The following GRIA2 variants were observed in gnomAD, a reference collection of about 807,000 sequenced individuals.
GRIA2 encodes glutamate ionotropic receptor AMPA type subunit 2.
A neutral mutation model predicts 97.3 loss-of-function variants in GRIA2; 14 were observed. That is an observed-to-expected ratio of 0.14 (90% CI 0.10 to 0.23). The LOEUF (loss-of-function observed/expected upper bound fraction) is 0.23, where lower values mean the gene tolerates loss of function less well. GRIA2 is among the 10% of genes least tolerant of loss of function. GRIA2 has a pLI of 1.00. For missense variants in GRIA2, 558 were observed against 1,069.8 expected (o/e 0.52, Z 6.67); for synonymous variants, 412 against 387.8 (o/e 1.06, Z -0.73).
intron 2 of GRIA2, among the ~76,000 whole-genome samples, chr4:157,278,899 A>G (rs1490150314): frequency 5.3e-5 from 8 of 152,080 alleles, no homozygotes; most frequent in Admixed American, 1.3e-4. Flanking sequence ...ATATTTCCAC[A>G]ATAAGATACC....
intron 2 of GRIA2, among the ~76,000 whole-genome samples, chr4:157,246,481 A>G (rs1272743397): frequency 6.6e-6 from 1 of 152,122 alleles, no homozygotes; most frequent in African/African-American, 2.4e-5. Context: ...TTAATACACA[A>G]TTTTAATGAT....
At chr4:157,236,073 A>C (rs980335703) in intron 2 of GRIA2, among the ~76,000 whole-genome samples, 2 of 152,016 alleles carry the variant, frequency 1.3e-5, no homozygotes, top group Admixed American at 6.6e-5. Flanking sequence ...TTATCTGAAA[A>C]AAGTTGATGC....
chr4:157,291,375 A>G (rs1579336958), intron 2 of GRIA2, among the ~76,000 whole-genome samples: 1 of 151,944 alleles, frequency 6.6e-6, no homozygotes, highest in African/African-American at 2.4e-5. Flanking sequence ...TTGGCTATGA[A>G]TAATTATAGA....
At chr4:157,234,766 G>C (rs567939023) in intron 2 of GRIA2, among the ~76,000 whole-genome samples, 3 of 152,170 alleles carry the variant, frequency 2.0e-5, no homozygotes, top group East Asian at 3.9e-4. Context: ...GTATAAGGAG[G>C]CTCTTTTGCC....
At chr4:157,356,147 ATT>A (rs1491342454) in intron 12 of GRIA2, among the ~76,000 whole-genome samples, 17 of 125,930 alleles carry the variant, frequency 1.3e-4, no homozygotes, top group African/African-American at 5.2e-4. Flanking sequence ...ATATATTTAT[ATT>A]TATTTATTTA....
At position 157,358,376 on chromosome 4, in the gene GRIA2, A is replaced by C. The variant is rs1579392636; in HGVS notation, c.2044-1520A>C. ...GCTAAACATAGCTGGGGTCCTAGTA[A>C]AATTTTCACTCTCATAGATATGCTT... is the stretch of plus-strand genomic sequence containing the variant. On this transcript the variant is annotated intron_variant, in intron 12 of 15. Transcript: ENST00000264426. 2.0e-5 allele frequency among the ~76,000 whole-genome samples: 3 copies of C among 152,284 alleles called. No homozygotes were observed. In the East Asian group the frequency reaches 5.8e-4, roughly 29 times the overall value.
intron 2 of GRIA2, among the ~76,000 whole-genome samples, chr4:157,300,327 G>C (rs1454923405): frequency 6.6e-6 from 1 of 152,064 alleles, no homozygotes; most frequent in African/African-American, 2.4e-5. Flanking sequence ...AACAGTCTTG[G>C]ATATTTGGGG....
chr4:157,281,123 G>A (rs868559800), intron 2 of GRIA2, among the ~76,000 whole-genome samples: 36 of 152,112 alleles, frequency 2.4e-4, no homozygotes, highest in African/African-American at 8.4e-4. Context: ...GAAAGGCACA[G>A]AATAACCTCA....
intron 12 of GRIA2, among the ~76,000 whole-genome samples, chr4:157,355,923 T>C (rs1162343062): frequency 1.5e-5 from 1 of 67,092 alleles, no homozygotes; most frequent in Non-Finnish European, 2.5e-5. Flanking sequence ...ATTAATATAT[T>C]TATATATATT....
chr4:157,353,288 G>T (rs1023360535), intron 12 of GRIA2, among the ~76,000 whole-genome samples: 1 of 151,162 alleles, frequency 6.6e-6, no homozygotes, highest in South Asian at 2.1e-4. Flanking sequence ...GGAGGTGGAG[G>T]TTATGGTGAG....
At chr4:157,343,444 C>T (rs1735633467) in intron 12 of GRIA2, among the ~76,000 whole-genome samples, 1 of 151,958 alleles carries the variant, frequency 6.6e-6, no homozygotes, top group Non-Finnish European at 1.5e-5. Context: ...ACTATTTTTC[C>T]TCGTGCAGCA....
At chr4:157,293,319 A>G (rs1266826423) in intron 2 of GRIA2, among the ~76,000 whole-genome samples, 1 of 152,170 alleles carries the variant, frequency 6.6e-6, no homozygotes, top group Non-Finnish European at 1.5e-5. Flanking sequence ...CAATTAGGGA[A>G]TGTTAATAAA....
rs1422211484 is a variant in GRIA2, at chr4:157,361,614, G to A, written c.2406+490G>A. On this transcript the variant is annotated intron_variant, in intron 14 of 15. Transcript: ENST00000264426. This position sits in a 1 kb window ranked among gnomAD's most constrained non-coding sequence, Gnocchi z 5.2. Reference sequence around the variant, plus strand: ...CAAGCTGAAAAACAAATGGTGGTACGATAAAGGTGAATGTGGAGCCAAGGA... The same window carrying A: ...CAAGCTGAAAAACAAATGGTGGTACAATAAAGGTGAATGTGGAGCCAAGGA... The A allele has an allele frequency of 2.5e-6, 4 of 1,612,924 alleles. No individual in the cohort carries two copies. Among genetic ancestry groups the A allele is most frequent in the Non-Finnish European group, 3.4e-6 (4 of 1,179,100 alleles).
intron 6 of GRIA2, among the ~76,000 whole-genome samples, chr4:157,327,752 C>A (rs1175413498): frequency 6.6e-6 from 1 of 152,064 alleles, no homozygotes; most frequent in Non-Finnish European, 1.5e-5. Flanking sequence ...ATGGCTTTCC[C>A]ACAAGAATCT....
At chr4:157,266,362 C>G (rs534439314) in intron 2 of GRIA2, among the ~76,000 whole-genome samples, 44 of 151,992 alleles carry the variant, frequency 2.9e-4, no homozygotes, top group Admixed American at 8.5e-4. Flanking sequence ...CTGAGGAAAC[C>G]AACAGCTGAT....
intron 12 of GRIA2, among the ~76,000 whole-genome samples, chr4:157,355,803 T>A (rs1332288901): frequency 1.0e-5 from 1 of 96,788 alleles, no homozygotes; most frequent in Non-Finnish European, 1.8e-5. Flanking sequence ...GTTATATATA[T>A]TTATATATTA....
chr4:157,303,408 A>C, intron 2 of GRIA2, 144 bp from the exon 3 acceptor site: 1 of 688,692 alleles, frequency 1.5e-6, no homozygotes, highest in Non-Finnish European at 2.4e-6. Flanking sequence ...AGTGTTAATA[A>C]ATTACAATGG....
chr4:157,259,824 T>A (rs543131583), intron 2 of GRIA2, among the ~76,000 whole-genome samples: 3 of 152,270 alleles, frequency 2.0e-5, no homozygotes, highest in Admixed American at 6.5e-5. Context: ...TATAACTCAC[T>A]GCCAGGTAAC....
chr4:157,270,532 A>G (rs950304093), intron 2 of GRIA2, among the ~76,000 whole-genome samples: 2 of 152,148 alleles, frequency 1.3e-5, no homozygotes, highest in Non-Finnish European at 2.9e-5. Context: ...TATTTTATTC[A>G]CATATTTAAG....
Sources: allele counts gnomAD v4.1 joint callset (sites outside exome capture counted in the v4.1 genomes callset), GRCh38; gene constraint gnomAD v4.1.1; non-coding constraint Gnocchi (gnomAD v3.1); transcripts MANE v1.5; gene names NCBI Gene and HGNC (gene_info 2026-07-23, HGNC 2026-07-21).